COA8: variants seen among roughly 807,000 people sequenced by gnomAD.
COA8 encodes the protein cytochrome c oxidase assembly factor 8.
In COA8, 20 loss-of-function variants were observed where a neutral mutation model predicts 22.0. The ratio of observed to expected loss-of-function variants is 0.91; its 90% CI spans 0.64 to 1.32. The LOEUF is 1.32. Among genes scored for constraint, COA8 ranks in the 40% most tolerant of loss-of-function variants. COA8 has a pLI of 0.00. For synonymous variants in COA8, 105 were observed against 79.9 expected, an observed-to-expected ratio of 1.31 and a Z score of -1.68; for missense variants, 266 against 230.0, an observed-to-expected ratio of 1.16 and a Z score of -1.01.
chr14:103,586,969 G>T (rs773287932), intron 3 of COA8, among the ~76,000 whole-genome samples: 4 of 152,302 alleles, frequency 2.6e-5, no homozygotes, highest in Admixed American at 6.5e-5. Context: ...CTCCCAAAGT[G>T]CTGGGATTAT....
chr14:103,573,169 CT>C (rs1007964622), intron 2 of COA8, among the ~76,000 whole-genome samples: 173 of 147,686 alleles, frequency 1.2e-3, no homozygotes, highest in African/African-American at 3.5e-3. Context: ...AAACATTTAA[CT>C]TTTTTTTTTT....
intron 1 of COA8, among the ~76,000 whole-genome samples, chr14:103,570,746 A>G (rs1001764257): frequency 6.6e-6 from 1 of 152,102 alleles, no homozygotes; most frequent in African/African-American, 2.4e-5. Context: ...AAAAAGAAAG[A>G]GTTTAATTGA....
intron 1 of COA8, among the ~76,000 whole-genome samples, chr14:103,567,978 G>A (rs934153030): frequency 6.6e-6 from 1 of 152,012 alleles, no homozygotes; most frequent in Non-Finnish European, 1.5e-5. Context: ...CTTTTATATT[G>A]CTGGATCGGG....
intron 4 of COA8, among the ~76,000 whole-genome samples, chr14:103,589,035 C>T (rs1296476019): frequency 6.6e-6 from 1 of 152,126 alleles, no homozygotes; most frequent in Non-Finnish European, 1.5e-5. Flanking sequence ...GCACGGGGCA[C>T]AGTCTCTGAT....
At chr14:103,567,757 G>A (rs552472415) in intron 1 of COA8, among the ~76,000 whole-genome samples, 10 of 152,262 alleles carry the variant, frequency 6.6e-5, no homozygotes, top group African/African-American at 2.4e-4. Context: ...GTGTCTGTTG[G>A]TGGTGGGAAA....
chr14:103,590,102 TG>T, intron 4 of COA8, 78 bp from the exon 5 acceptor site: 2 of 1,219,018 alleles, frequency 1.6e-6, no homozygotes, highest in South Asian at 1.3e-5. Flanking sequence ...CATCCTCAAC[TG>T]GGAGCCACTT....
At chr14:103,574,347 T>A in intron 3 of COA8, 177 bp downstream of exon 3, 1 of 833,930 alleles carries the variant, frequency 1.2e-6, no homozygotes. Context: ...TTCCCAGGCA[T>A]GGCTCTCCAA....
At chr14:103,587,568 C>T (rs1376398443) in intron 4 of COA8, among the ~76,000 whole-genome samples, 3 of 144,024 alleles carry the variant, frequency 2.1e-5, no homozygotes, top group African/African-American at 5.3e-5. Context: ...AGTGCAGTGG[C>T]GCCATCTTGG....
In COA8 at chr14:103,581,467, C is replaced by T. The variant is rs192580269; in HGVS notation, c.386-5807C>T. The T allele has an allele frequency of 2.3e-5, 9 of 393,076 alleles. No homozygotes were observed. Among genetic ancestry groups the T allele is most frequent in the South Asian group, 1.4e-4 (1 of 7,004 alleles). 24.3% of individuals were successfully genotyped at this position (393,076 alleles called of 1,614,324 possible). The stretch of plus-strand genomic sequence containing the variant: ...GGGAGGAGTCGCCTCCTGGGCTGGT[C>T]GGAGTAGGACCTTGGGAGGTTTCAT... On this transcript the variant is annotated intron_variant, in intron 3 of 4. Coordinates refer to ENST00000409074, the MANE Select transcript of COA8 (RefSeq NM_001370595.2). This position sits in a 1 kb window ranked among gnomAD's most constrained non-coding sequence, Gnocchi z 4.1.
chr14:103,571,520 G>A, intron 1 of COA8, 103 bp from the exon 2 acceptor site: 1 of 1,192,742 alleles, frequency 8.4e-7, no homozygotes, highest in Non-Finnish European at 1.2e-6. Flanking sequence ...TCTGGCAACA[G>A]AGCGAGACTC....
At chr14:103,571,953 C>T in intron 2 of COA8, 133 bp downstream of exon 2, 1 of 703,742 alleles carries the variant, frequency 1.4e-6, no homozygotes, top group Non-Finnish European at 2.2e-6. Flanking sequence ...CGGTGAAACC[C>T]TGTCTCTACT....
At chr14:103,569,305 G>C (rs2076162856) in intron 1 of COA8, among the ~76,000 whole-genome samples, 1 of 152,202 alleles carries the variant, frequency 6.6e-6, no homozygotes, top group Non-Finnish European at 1.5e-5. Flanking sequence ...GAAACATGTG[G>C]TTATAGGGAA....
chr14:103,567,097 G>A (rs2076140807), intron 1 of COA8, among the ~76,000 whole-genome samples: 1 of 152,106 alleles, frequency 6.6e-6, no homozygotes, highest in South Asian at 2.1e-4. Context: ...TTTTGGCAGG[G>A]CGCGGTGGCT....
intron 1 of COA8, among the ~76,000 whole-genome samples, chr14:103,567,202 G>A (rs897948741): frequency 3.3e-5 from 5 of 151,982 alleles, no homozygotes; most frequent in Non-Finnish European, 4.4e-5. Flanking sequence ...GTGAAACACC[G>A]TCTCTACTGA....
chr14:103,587,512 T>TC (rs200989011), intron 4 of COA8, 148 bp downstream of exon 4: 6,856 of 425,496 alleles, frequency 0.016, 2 homozygotes, highest in East Asian at 0.025. Flanking sequence ...TTTTTTCTTT[T>TC]TTTTTTTTTT....
chr14:103,571,163 T>C (rs2076181276), intron 1 of COA8, among the ~76,000 whole-genome samples: 1 of 151,958 alleles, frequency 6.6e-6, no homozygotes, highest in Non-Finnish European at 1.5e-5. Flanking sequence ...TAAGAAAGCT[T>C]AGCTCCATCC....
At chr14:103,572,921 TACAGGC>T (rs1566980058) in intron 2 of COA8, among the ~76,000 whole-genome samples, 1 of 151,910 alleles carries the variant, frequency 6.6e-6, no homozygotes, top group African/African-American at 2.4e-5. Context: ...TAGCTGGGAT[TACAGGC>T]ACACACCTCC....
At chr14:103,567,108 CG>C (rs2076140988) in intron 1 of COA8, among the ~76,000 whole-genome samples, 1 of 152,054 alleles carries the variant, frequency 6.6e-6, no homozygotes, top group Non-Finnish European at 1.5e-5. Flanking sequence ...CGCGGTGGCT[CG>C]TGCCTGTAAT....
chr14:103,573,033 G>A (rs896414693), intron 2 of COA8, among the ~76,000 whole-genome samples: 1 of 151,934 alleles, frequency 6.6e-6, no homozygotes, highest in Non-Finnish European at 1.5e-5. Flanking sequence ...CGCCCACCTC[G>A]GCCTCCCAAA....
Sources: allele counts gnomAD v4.1 joint callset (sites outside exome capture counted in the v4.1 genomes callset), GRCh38; gene constraint gnomAD v4.1.1; non-coding constraint Gnocchi (gnomAD v3.1); transcripts MANE v1.5; gene names NCBI Gene and HGNC (gene_info 2026-07-23, HGNC 2026-07-21).